The following RTN4 variants were observed in gnomAD, a reference collection of about 807,000 sequenced individuals.
The protein encoded by RTN4 is reticulon-4.
In RTN4, 32 loss-of-function variants were observed where a neutral mutation model predicts 90.4. The ratio of observed to expected loss-of-function variants is 0.35; its 90% CI spans 0.27 to 0.48. RTN4 has a LOEUF of 0.48. Ranked by LOEUF, RTN4 falls within the 20% of genes least tolerant of loss-of-function variation. The pLI is 0.99. For missense variants in RTN4, 1,706 were observed against 1,430.2 expected (o/e 1.19, Z -3.11); for synonymous variants, 629 against 552.5 (o/e 1.14, Z -1.94).
rs569624361 is a variant in RTN4 at position 55,082,557 on chromosome 2, C to T, written c.-213-1918G>A. 2.1e-4 allele frequency among the ~76,000 whole-genome samples: 32 copies of T among 152,298 alleles called. 1 individual carries two copies. In the South Asian group the frequency reaches 5.8e-3, roughly 28 times the overall value. ...TCCAAAGCCTTATCTGTCTATAAGCCTTGGCTCAGTGATTCCACTTAAGAA... is the reference window on the plus strand; with the variant it reads ...TCCAAAGCCTTATCTGTCTATAAGCTTTGGCTCAGTGATTCCACTTAAGAA... On this transcript the variant is annotated intron_variant, in intron 1 of 3. Transcript: ENST00000427710.
rs751060728 is a variant in RTN4 at position 54,980,924 on chromosome 2, T to C, written c.3360+1591A>G. 3.3e-5 allele frequency among the ~76,000 whole-genome samples: 5 copies of C among 152,372 alleles called. No homozygotes were observed. In the Middle Eastern group the frequency reaches 0.01, roughly 311 times the overall value. On this transcript the variant is annotated intron_variant, in intron 5 of 8. Transcript: ENST00000337526. The stretch of plus-strand genomic sequence containing the variant: ...GAACTGGTTTCCTCTAGGCTGTATG[T>C]ACAAGGTTCTATTTCATTTGCTCCA...
chr2:55,048,503 T>TC (rs1667900542), intron 1 of RTN4, among the ~76,000 whole-genome samples: 1 of 152,064 alleles, frequency 6.6e-6, no homozygotes, highest in East Asian at 1.9e-4. Flanking sequence ...TTTTTCTATT[T>TC]TTTTTTTAAC....
At chr2:55,005,491 T>C (rs1371447076) in intron 3 of RTN4, among the ~76,000 whole-genome samples, 3 of 152,190 alleles carry the variant, frequency 2.0e-5, no homozygotes, top group Non-Finnish European at 4.4e-5. Context: ...AGATCCATGA[T>C]AGACACTCAC....
intron 1 of RTN4, among the ~76,000 whole-genome samples, chr2:55,091,241 C>T (rs1466549009): frequency 6.6e-6 from 1 of 152,154 alleles, no homozygotes; most frequent in Non-Finnish European, 1.5e-5. Flanking sequence ...TCTCTGTGGC[C>T]TAGGGGGCCC....
At position 55,086,540 on chromosome 2, in the gene RTN4, T is replaced by C. The variant is rs1270574947; in HGVS notation, c.-213-5901A>G. ...TAAAAATTAGCCAAGCATGGTGGTA[T>C]GCGCCTGTAGTTCCAACTGCTAGGG... On this transcript the variant is annotated intron_variant, in intron 1 of 3. Coordinates refer to the RTN4 transcript ENST00000427710. Among the ~76,000 whole-genome samples, 5 of 151,510 alleles carry C rather than the reference T, an allele frequency of 3.3e-5. No individual in the cohort carries two copies. The East Asian group carries it at 7.7e-4, about 23-fold the overall frequency.
At chr2:55,020,569 C>G (rs1553441176) in intron 3 of RTN4, among the ~76,000 whole-genome samples, 1 of 152,008 alleles carries the variant, frequency 6.6e-6, no homozygotes, top group Non-Finnish European at 1.5e-5. Flanking sequence ...GGAGGAAGAC[C>G]AGAATTCATT....
Position 54,972,239 on chromosome 2 carries a change from A to G in RTN4, c.*917T>C, listed in dbSNP as rs1339931505. The G allele has an allele frequency of 1.3e-5, 2 of 152,690 alleles. No homozygotes were observed. The highest frequency in any genetic ancestry group is 4.8e-5 in the African/African-American group (2 of 41,474). 9.5% of individuals were successfully genotyped at this position (152,690 alleles called of 1,614,324 possible). On this transcript the variant is annotated 3_prime_UTR_variant, in exon 9 of 9. Transcript: ENST00000337526. ...ACTTTGCTTTTACAGTTCACAATGC[A>G]TTCCACAGATTTAGTTCAGTACAGC...
chr2:54,972,923 T>A lies in RTN4; in HGVS notation c.*233A>T. ...GCCTCAGATAGATAGGAAAAAGATA[T>A]GATTACGGTTTAAATCCATACATAG... On this transcript the variant is annotated 3_prime_UTR_variant, in exon 9 of 9. Transcript: ENST00000337526. The A allele has an allele frequency of 2.6e-6, 1 of 386,162 alleles. No individual in the cohort carries two copies. Among genetic ancestry groups the A allele is most frequent in the Non-Finnish European group, 4.6e-6 (1 of 216,594 alleles). 23.9% of individuals were successfully genotyped at this position (386,162 alleles called of 1,614,324 possible). A position where few individuals can be genotyped will look rare whatever the true frequency, so the allele number is the denominator to read the frequency against.
At chr2:55,027,532 A>G in intron 2 of RTN4, 47 bp from the exon 3 acceptor site, 1 of 1,542,142 alleles carries the variant, frequency 6.5e-7, no homozygotes, top group Non-Finnish European at 8.7e-7. Flanking sequence ...CAGTGTTCTC[A>G]GAGTTAATGC....
chr2:54,995,780 T>C (rs776367151), intron 3 of RTN4, among the ~76,000 whole-genome samples: 7 of 152,046 alleles, frequency 4.6e-5, no homozygotes, highest in Non-Finnish European at 1.0e-4. Flanking sequence ...TGTACATCTT[T>C]AGAATGTGGG....
intron 3 of RTN4, among the ~76,000 whole-genome samples, chr2:55,002,741 T>C (rs1041967383): frequency 1.3e-5 from 2 of 152,192 alleles, no homozygotes; most frequent in Non-Finnish European, 2.9e-5. Flanking sequence ...TCTTTAAGTA[T>C]GTTGGATATA....
chr2:55,069,482 A>G lies in RTN4; in HGVS notation c.-63+11007T>C, dbSNP rs894542804. 3.3e-5 allele frequency among the ~76,000 whole-genome samples: 5 copies of G among 152,238 alleles called. No individual in the cohort carries two copies. The East Asian group carries it at 9.6e-4, about 29-fold the overall frequency. ...GAAAATATCTGCATGGCCAGAGACT[A>G]CTATCCACAGGGTTTATTGCTATTA... On this transcript the variant is annotated intron_variant, in intron 2 of 3. Transcript: ENST00000427710.
chr2:55,081,833 A>G (rs921414633), intron 1 of RTN4, among the ~76,000 whole-genome samples: 1 of 136,920 alleles, frequency 7.3e-6, no homozygotes, highest in Non-Finnish European at 1.5e-5. Context: ...ACTGCACTCC[A>G]GCCTCGGCAA....
chr2:54,986,638 A>ACTAG (rs1411985904), intron 4 of RTN4, among the ~76,000 whole-genome samples: 1 of 152,226 alleles, frequency 6.6e-6, no homozygotes, highest in Non-Finnish European at 1.5e-5. Context: ...GAGCCTGAAA[A>ACTAG]CTAGCATGGT....
chr2:55,099,228 C>A (rs994401904), intron 1 of RTN4, among the ~76,000 whole-genome samples: 2 of 152,094 alleles, frequency 1.3e-5, no homozygotes, highest in Non-Finnish European at 2.9e-5. Flanking sequence ...TACCGGTTAT[C>A]AGTTCAATAA....
intron 1 of RTN4, among the ~76,000 whole-genome samples, chr2:55,032,140 G>A (rs1352165078): frequency 2.6e-5 from 4 of 151,930 alleles, no homozygotes; most frequent in Non-Finnish European, 4.4e-5. Flanking sequence ...GAGTACAGCG[G>A]GGCTATCTTG....
the RTN4 span, among the ~76,000 whole-genome samples, chr2:55,128,442 C>T: frequency 3.3e-5 from 5 of 152,130 alleles, no homozygotes; most frequent in South Asian, 2.1e-4. Flanking sequence ...ATGAGGAAAA[C>T]GTGGAGTTCT....
intron 5 of RTN4, among the ~76,000 whole-genome samples, chr2:54,982,208 G>A (rs562481637): frequency 2.5e-4 from 38 of 151,724 alleles, no homozygotes; most frequent in Middle Eastern, 6.8e-3. Flanking sequence ...CACCCGCCTC[G>A]GCCTCCCAAA....
chr2:55,086,146 T>C (rs1359820505), intron 1 of RTN4, among the ~76,000 whole-genome samples: 1 of 152,200 alleles, frequency 6.6e-6, no homozygotes, highest in Non-Finnish European at 1.5e-5. Flanking sequence ...TTAATCTACA[T>C]TGAAAAGACA....
Sources: allele counts gnomAD v4.1 joint callset (sites outside exome capture counted in the v4.1 genomes callset), GRCh38; gene constraint gnomAD v4.1.1; transcripts MANE v1.5; gene names NCBI Gene and HGNC (gene_info 2026-07-23, HGNC 2026-07-21).